Variants in RNASEK observed in about 807,000 individuals in gnomAD.
RNASEK encodes ribonuclease K.
In RNASEK, 7 loss-of-function variants were observed where a neutral mutation model predicts 11.2. The observed-to-expected ratio is 0.62, with a 90% CI of 0.35 to 1.17. The LOEUF is 1.17. Among genes scored for constraint, RNASEK ranks in the 50% most tolerant of loss-of-function variants. The pLI is 0.02. For missense variants in RNASEK, 101 were observed against 126.7 expected, an observed-to-expected ratio of 0.80 and a Z score of 0.97; for synonymous variants, 46 against 49.5, an observed-to-expected ratio of 0.93 and a Z score of 0.30.
Position 7,014,290 on chromosome 17 carries a change from C to T in RNASEK, c.*4C>T. The T allele has an allele frequency of 6.2e-7, 1 of 1,613,704 alleles. No homozygotes were observed. The highest frequency in any genetic ancestry group is 8.5e-7 in the Non-Finnish European group (1 of 1,179,816). ...CAAGGAATACATGGTGCGCTAGGGC[C>T]CCGGCGCGTTTCCCCGCTCCAGCCC... On this transcript the variant is annotated 3_prime_UTR_variant, in exon 3 of 3. Transcript: ENST00000593646. The surrounding 1 kb of genome is among the most constrained non-coding windows in gnomAD (Gnocchi z 4.5).
At position 7,014,162 on chromosome 17, in the gene RNASEK, T is replaced by C. The variant is rs764406097; in HGVS notation, c.173T>C (p.Ile58Thr). The change falls in exon 3 of 3, where the codon ATA becomes ACA. Residue 58 changes from isoleucine (I) to threonine (T), a missense_variant. By Grantham distance (89) the Ile-to-Thr change is moderately conservative. Transcript: ENST00000593646. The surrounding 1 kb of genome is among the most constrained non-coding windows in gnomAD (Gnocchi z 4.5). Reference sequence around the variant, plus strand: ...ACCCCCAGGAATGGCCCCCAGAACATATACAACCTTTACGAGCAAGTCAGC... The same window carrying C: ...ACCCCCAGGAATGGCCCCCAGAACACATACAACCTTTACGAGCAAGTCAGC... ...EKDFENGPQN[I>T]YNLYEQVSYN... The C allele has an allele frequency of 3.7e-5, 58 of 1,561,302 alleles. No individual in the cohort carries two copies. Among genetic ancestry groups the C allele is most frequent in the Admixed American group, 1.3e-4 (7 of 51,890 alleles).
Position 7,012,651 on chromosome 17 carries a change from C to T in RNASEK, c.-33C>T, listed in dbSNP as rs1909485007. Reference sequence around the variant, plus strand: ...TTTCTCCCACCGCTTTCCGAGCCCGCTTGCACCTCGGCGATCCCCGACTCC... The same window carrying T: ...TTTCTCCCACCGCTTTCCGAGCCCGTTTGCACCTCGGCGATCCCCGACTCC... On this transcript the variant is annotated 5_prime_UTR_variant, in exon 1 of 3. Transcript: ENST00000593646. 1.9e-6 allele frequency: 3 copies of T among 1,610,722 alleles called. No individual in the cohort carries two copies. Among genetic ancestry groups the T allele is most frequent in the African/African-American group, 1.3e-5 (1 of 75,062 alleles).
At position 7,012,640 on chromosome 17, in the gene RNASEK, T is replaced by C. The variant is rs1909483626; in HGVS notation, c.-44T>C. 3 of 1,608,276 alleles carry C rather than the reference T, an allele frequency of 1.9e-6. No individual in the cohort carries two copies. Among genetic ancestry groups the C allele is most frequent in the Non-Finnish European group, 2.5e-6 (3 of 1,179,188 alleles). ...GCATCCTGGGCTTTCTCCCACCGCTTTCCGAGCCCGCTTGCACCTCGGCGA... is the reference window on the plus strand; with the variant it reads ...GCATCCTGGGCTTTCTCCCACCGCTCTCCGAGCCCGCTTGCACCTCGGCGA... On this transcript the variant is annotated 5_prime_UTR_variant, in exon 1 of 3. Coordinates refer to ENST00000593646, the MANE Select transcript of RNASEK (RefSeq NM_001004333.5).
At chr17:7,012,818 G>A in intron 1 of RNASEK, 57 bp downstream of exon 1, 1 of 1,523,924 alleles carries the variant, frequency 6.6e-7, no homozygotes, top group Non-Finnish European at 9.0e-7. Context: ...GGGCTGGGAG[G>A]GCTGGGAGGC....
chr17:7,013,681 T>A lies in RNASEK; in HGVS notation c.94T>A (p.Phe32Ile), dbSNP rs373235484. ...GVIMLIMLGI[F>I]FNVHSAVLIE... ...CCTTTTCCAGATAATGCTCGGAATA[T>A]TTTTCAATGTCCATTCCGCTGTGTT... Residue 32 changes from phenylalanine to isoleucine, a missense_variant, in exon 2 of 3, where the codon TTT (phenylalanine) becomes ATT (isoleucine). Phe to Ile is a conservative substitution (Grantham distance 21). Coordinates refer to ENST00000593646, the MANE Select transcript of RNASEK (RefSeq NM_001004333.5). The A allele has an allele frequency of 3.1e-6, 5 of 1,613,650 alleles. No homozygotes were observed. Among genetic ancestry groups the A allele is most frequent in the Non-Finnish European group, 4.2e-6 (5 of 1,179,550 alleles).
In RNASEK at chr17:7,012,702, T is replaced by C. The variant is rs1909487892; in HGVS notation, c.19T>C (p.Cys7Arg). 4 of 1,613,370 alleles carry C rather than the reference T, an allele frequency of 2.5e-6. No homozygotes were observed. The highest frequency in any genetic ancestry group is 2.5e-6 in the Non-Finnish European group (3 of 1,179,818). The part of the protein sequence containing the change: MASLLC[C>R]GPKLAACGIV... ...CTTCTTTATGGCGTCGCTCCTGTGC[T>C]GTGGGCCGAAGCTGGCCGCCTGCGG... Residue 7 changes from cysteine (C) to arginine (R), a missense_variant, in exon 1 of 3, where the codon TGT (cysteine) becomes CGT (arginine). Transcript: ENST00000593646.
In RNASEK at chr17:7,014,321, C is replaced by G. The variant is rs777710655; in HGVS notation, c.*35C>G. 2 of 1,611,460 alleles carry G rather than the reference C, an allele frequency of 1.2e-6. No homozygotes were observed. The highest frequency in any genetic ancestry group is 3.3e-5 in the Admixed American group (2 of 59,936). On this transcript the variant is annotated 3_prime_UTR_variant, in exon 3 of 3. Coordinates refer to ENST00000593646, the MANE Select transcript of RNASEK (RefSeq NM_001004333.5). This position sits in a 1 kb window ranked among gnomAD's most constrained non-coding sequence, Gnocchi z 4.5. Reference sequence around the variant, plus strand: ...GCGTTTCCCCGCTCCAGCCCCTCCTCTATTTAAAGACTCCCTGCACCGTGT... The same window carrying G: ...GCGTTTCCCCGCTCCAGCCCCTCCTGTATTTAAAGACTCCCTGCACCGTGT...
chr17:7,013,397 T>C lies in RNASEK; in HGVS notation c.79-269T>C, dbSNP rs547189838. 13 of 1,535,696 alleles carry C rather than the reference T, an allele frequency of 8.5e-6. No individual in the cohort carries two copies. In the African/African-American group the frequency reaches 1.1e-4, roughly 13 times the overall value. The stretch of plus-strand genomic sequence containing the variant: ...CCCTCCCCTCTTCCGCACTGTCCCG[T>C]GATGATGACGCCTCCAGAGAGGACG... On this transcript the variant is annotated intron_variant, in intron 1 of 2. Coordinates refer to ENST00000593646, the MANE Select transcript of RNASEK (RefSeq NM_001004333.5).
Position 7,014,469 on chromosome 17 carries a change from G to A in RNASEK, c.*183G>A, listed in dbSNP as rs757984304. The A allele has an allele frequency of 1.1e-5, 7 of 640,138 alleles. No individual in the cohort carries two copies. The highest frequency in any genetic ancestry group is 1.9e-5 in the South Asian group (1 of 52,012). The allele number at this position is 640,138 out of a possible 1,614,324, so 39.7% of individuals were successfully genotyped here. A position where few individuals can be genotyped will look rare whatever the true frequency, so the allele number is the denominator to read the frequency against. ...CCGTGGAGAGGGCTGAGGCTGGGGG[G>A]CTGTTCCGTTTCTCCACCCTTCGCT... On this transcript the variant is annotated 3_prime_UTR_variant, in exon 3 of 3. Transcript: ENST00000593646. This position sits in a 1 kb window ranked among gnomAD's most constrained non-coding sequence, Gnocchi z 4.5.
intron 1 of RNASEK, 59 bp downstream of exon 1, chr17:7,012,820 C>T (rs1298019304): frequency 6.6e-7 from 1 of 1,512,534 alleles, no homozygotes; most frequent in Admixed American, 1.8e-5. Flanking sequence ...GCTGGGAGGG[C>T]TGGGAGGCGA....
chr17:7,014,265 C>T lies in RNASEK; in HGVS notation c.276C>T (p.Arg92=). 1.2e-6 allele frequency: 2 copies of T among 1,613,862 alleles called. No homozygotes were observed. Among genetic ancestry groups the T allele is most frequent in the Non-Finnish European group, 1.7e-6 (2 of 1,179,848 alleles). Residue 92 remains arginine, a synonymous_variant, in exon 3 of 3, where the codon CGC becomes CGT. Coordinates refer to ENST00000593646, the MANE Select transcript of RNASEK (RefSeq NM_001004333.5). This position sits in a 1 kb window ranked among gnomAD's most constrained non-coding sequence, Gnocchi z 4.5. ...TCTGCCAAGTTCGGCTCAATAAGCG[C>T]AAGGAATACATGGTGCGCTAGGGCC... is the stretch of plus-strand genomic sequence containing the variant. ...FSFCQVRLNK[R]KEYMVR is the part of the protein sequence containing the mutation.
chr17:7,014,343 G>A lies in RNASEK; in HGVS notation c.*57G>A, dbSNP rs1272076451. 2.5e-6 allele frequency: 4 copies of A among 1,585,316 alleles called. No homozygotes were observed. The highest frequency in any genetic ancestry group is 3.4e-5 in the Admixed American group (2 of 58,734). ...CCTCTATTTAAAGACTCCCTGCACC[G>A]TGTCACCCAGGTCGCGTCCCACCCT... On this transcript the variant is annotated 3_prime_UTR_variant, in exon 3 of 3. Transcript: ENST00000593646. The surrounding 1 kb of genome is among the most constrained non-coding windows in gnomAD (Gnocchi z 4.5).
At chr17:7,013,001 T>C (rs1909523478) in intron 1 of RNASEK, 4 of 531,574 alleles carry the variant, frequency 7.5e-6, no homozygotes, top group Non-Finnish European at 1.3e-5. Flanking sequence ...GGCGCCCGCC[T>C]GTAATCCCAG....
At chr17:7,013,871 T>C in intron 2 of RNASEK, 129 bp downstream of exon 2, 5 of 834,312 alleles carry the variant, frequency 6.0e-6, no homozygotes, top group Non-Finnish European at 1.0e-5. Flanking sequence ...GAGAGCGGCT[T>C]TCTTGAGAAT....
chr17:7,012,879 C>G, intron 1 of RNASEK, 118 bp downstream of exon 1: 1 of 841,982 alleles, frequency 1.2e-6, no homozygotes, highest in South Asian at 1.7e-5. Context: ...ATCTACAGGC[C>G]CCGGAGAAGG....
At chr17:7,012,838 C>T (rs1398879939) in intron 1 of RNASEK, 77 bp downstream of exon 1, 1 of 1,398,972 alleles carries the variant, frequency 7.1e-7, no homozygotes, top group Non-Finnish European at 9.9e-7. Context: ...CGAGGAAACT[C>T]TGGGCCGCAG....
chr17:7,013,076 G>A, intron 1 of RNASEK: 1 of 453,246 alleles, frequency 2.2e-6, no homozygotes, highest in Non-Finnish European at 4.0e-6. Flanking sequence ...AGTGAGCCGA[G>A]ATCGCGCCAC....
Position 7,012,777 on chromosome 17 carries a change from G to A in RNASEK, c.78+16G>A, listed in dbSNP as rs369686895. 45 of 1,609,752 alleles carry A rather than the reference G, an allele frequency of 2.8e-5. No individual in the cohort carries two copies. In the African/African-American group the frequency reaches 5.5e-4, roughly 20 times the overall value. On this transcript the variant is annotated intron_variant, in intron 1 of 2. Coordinates refer to ENST00000593646, the MANE Select transcript of RNASEK (RefSeq NM_001004333.5). ...GATCATGTTGGTGAGGGGACTCCCC[G>A]GCAAGGATCGGAGAGGGCCTGAGGG...
rs761103861 is a variant in RNASEK at position 7,014,264 on chromosome 17, G to T, written c.275G>T (p.Arg92Leu). The stretch of plus-strand genomic sequence containing the variant: ...TTCTGCCAAGTTCGGCTCAATAAGC[G>T]CAAGGAATACATGGTGCGCTAGGGC... ...FSFCQVRLNK[R>L]KEYMVR Residue 92 changes from arginine to leucine, a missense_variant, in exon 3 of 3, where the codon CGC becomes CTC. Transcript: ENST00000593646. The surrounding 1 kb of genome is among the most constrained non-coding windows in gnomAD (Gnocchi z 4.5). The T allele has an allele frequency of 3.7e-6, 6 of 1,613,682 alleles. No individual in the cohort carries two copies. Among genetic ancestry groups the T allele is most frequent in the Non-Finnish European group, 5.1e-6 (6 of 1,179,794 alleles).
Sources: allele counts gnomAD v4.1 joint callset, GRCh38; gene constraint gnomAD v4.1.1; non-coding constraint Gnocchi (gnomAD v3.1); transcripts MANE v1.5; gene names NCBI Gene and HGNC (gene_info 2026-07-23, HGNC 2026-07-21).